Variants in PRKAG2 observed in about 807,000 individuals in gnomAD.
The protein encoded by PRKAG2 is protein kinase AMP-activated non-catalytic subunit gamma 2, also known as 5'-AMP-activated protein kinase subunit gamma-2.
PRKAG2 carries 26 observed loss-of-function variants against 69.6 expected under a neutral mutation model. That is an observed-to-expected ratio of 0.37 (90% confidence interval 0.27 to 0.52). The LOEUF (loss-of-function observed/expected upper bound fraction) is 0.52. Among genes scored for constraint, PRKAG2 ranks in the 20% least tolerant of loss-of-function variants. PRKAG2 has a pLI of 0.90. For missense variants in PRKAG2, 557 were observed against 740.0 expected, an observed-to-expected ratio of 0.75 and a Z score of 2.87; for synonymous variants, 293 against 285.0, an observed-to-expected ratio of 1.03 and a Z score of -0.28.
chr7:151,608,139 G>A (rs1374407206), intron 5 of PRKAG2, among the ~76,000 whole-genome samples: 1 of 152,188 alleles, frequency 6.6e-6, no homozygotes, highest in African/African-American at 2.4e-5. Flanking sequence ...AACAGCAGGA[G>A]CTGAGGGCAG....
chr7:151,744,956 AAT>A (rs1257160350), intron 3 of PRKAG2, among the ~76,000 whole-genome samples: 1 of 152,152 alleles, frequency 6.6e-6, no homozygotes, highest in Admixed American at 6.5e-5. Flanking sequence ...CAGTTCAAGA[AAT>A]AACATTTTTC....
At chr7:151,832,603 G>GGA (rs1554614864) in intron 1 of PRKAG2, among the ~76,000 whole-genome samples, 1 of 151,380 alleles carries the variant, frequency 6.6e-6, no homozygotes, top group African/African-American at 2.4e-5. Flanking sequence ...TCTGGGGGGG[G>GGA]GGTCCCAGCA....
At chr7:151,629,225 G>A (rs542828049) in intron 5 of PRKAG2, among the ~76,000 whole-genome samples, 13 of 152,164 alleles carry the variant, frequency 8.5e-5, no homozygotes, top group Non-Finnish European at 1.9e-4. Context: ...TTTACTATCT[G>A]ACCCTTTACA....
intron 2 of PRKAG2, among the ~76,000 whole-genome samples, chr7:151,785,799 G>A (rs1050839696): frequency 6.6e-6 from 1 of 151,966 alleles, no homozygotes; most frequent in Non-Finnish European, 1.5e-5. Context: ...GGACCTCTGC[G>A]CCCTGCCACG....
chr7:151,754,194 C>A (rs1357710595), intron 3 of PRKAG2, among the ~76,000 whole-genome samples: 1 of 152,204 alleles, frequency 6.6e-6, no homozygotes, highest in Admixed American at 6.5e-5. Context: ...TTGGCTTCTC[C>A]CAAATAATAA....
At chr7:151,634,996 C>A (rs1286474860) in intron 4 of PRKAG2, among the ~76,000 whole-genome samples, 1 of 146,982 alleles carries the variant, frequency 6.8e-6, no homozygotes, top group South Asian at 2.1e-4. Flanking sequence ...GTGGCCCAGG[C>A]TGGAGCGCAG....
At chr7:151,652,208 T>C (rs1216511967) in intron 4 of PRKAG2, among the ~76,000 whole-genome samples, 2 of 152,250 alleles carry the variant, frequency 1.3e-5, no homozygotes, top group African/African-American at 4.8e-5. Context: ...TCAAGAAGGC[T>C]ATCCACAATT....
chr7:151,747,677 G>A (rs2074378657), intron 3 of PRKAG2, among the ~76,000 whole-genome samples: 1 of 152,166 alleles, frequency 6.6e-6, no homozygotes, highest in Admixed American at 6.5e-5. Flanking sequence ...TAGAAAGTTA[G>A]CTCACGTGGC....
chr7:151,579,210 C>T (rs1209251462), intron 6 of PRKAG2, among the ~76,000 whole-genome samples: 1 of 152,070 alleles, frequency 6.6e-6, no homozygotes, highest in African/African-American at 2.4e-5. Context: ...CTTGTAGAGG[C>T]AGGATCTTGC....
chr7:151,667,955 A>G (rs1006788643), intron 4 of PRKAG2, among the ~76,000 whole-genome samples: 2 of 152,250 alleles, frequency 1.3e-5, no homozygotes, highest in African/African-American at 4.8e-5. Context: ...ATTGCTATGC[A>G]GCAATAGAAA....
At chr7:151,739,492 A>C (rs2151707506) in intron 3 of PRKAG2, among the ~76,000 whole-genome samples, 1 of 152,012 alleles carries the variant, frequency 6.6e-6, no homozygotes, top group African/African-American at 2.4e-5. Context: ...TTATTGAGAC[A>C]GAGTTTTGCT....
rs763637531 is a variant in PRKAG2 at position 151,814,593 on chromosome 7, A to T, written c.115-28052T>A. 1.1e-5 allele frequency: 14 copies of T among 1,231,770 alleles called. No individual in the cohort carries two copies. The highest frequency in any genetic ancestry group is 3.1e-4 in the Middle Eastern group (1 of 3,208). 76.3% of individuals were successfully genotyped at this position (1,231,770 alleles called of 1,614,324 possible). A position where few individuals can be genotyped will look rare whatever the true frequency, so the allele number is the denominator to read the frequency against. On this transcript the variant is annotated intron_variant, in intron 1 of 15. Transcript: ENST00000287878. This position sits in a 1 kb window ranked among gnomAD's most constrained non-coding sequence, Gnocchi z 4.8. ...GAAGGGGTTTCCCAGCCCCTTCAGC[A>T]CAGGCAATTTCTAGGGTTCGGCTGT...
At chr7:151,560,175 C>T (rs190290884) in intron 15 of PRKAG2, 45 of 985,292 alleles carry the variant, frequency 4.6e-5, no homozygotes, top group South Asian at 1.9e-4. Flanking sequence ...AAGCCAGTGA[C>T]GTTCCCTCTA....
chr7:151,855,031 G>GCC (rs1563756571), intron 1 of PRKAG2, among the ~76,000 whole-genome samples: 13 of 11,714 alleles, frequency 1.1e-3, no homozygotes, highest in South Asian at 7.4e-3. Context: ...CACACACCAT[G>GCC]CTCCACACAC....
At chr7:151,752,985 C>A (rs558539754) in intron 3 of PRKAG2, among the ~76,000 whole-genome samples, 1 of 152,234 alleles carries the variant, frequency 6.6e-6, no homozygotes, top group African/African-American at 2.4e-5. Flanking sequence ...ATCGGGTGAC[C>A]CTGCTGGGAT....
chr7:151,632,293 A>G lies in PRKAG2; in HGVS notation c.685-155T>C, dbSNP rs2151326923. On this transcript the variant is annotated intron_variant, in intron 4 of 15. Transcript: ENST00000287878. The surrounding 1 kb of genome is among the most constrained non-coding windows in gnomAD (Gnocchi z 4.2). ...CGCGGGCAGCGGGGGCCGGGGGCGG[A>G]GCGGGAGCGCTGCCCCCACCCGCCC... 1 of 946,448 alleles carries G rather than the reference A, an allele frequency of 1.1e-6. No homozygotes were observed. Among genetic ancestry groups the G allele is most frequent in the South Asian group, 4.8e-5 (1 of 20,676 alleles). 58.6% of individuals were successfully genotyped at this position (946,448 alleles called of 1,614,324 possible). A position where few individuals can be genotyped will look rare whatever the true frequency, so the allele number is the denominator to read the frequency against.
intron 1 of PRKAG2, among the ~76,000 whole-genome samples, chr7:151,847,193 A>G (rs531245441): frequency 6.6e-6 from 1 of 152,330 alleles, no homozygotes; most frequent in East Asian, 1.9e-4. Flanking sequence ...GTCTAGTGTT[A>G]TTCTGGGTAC....
intron 1 of PRKAG2, among the ~76,000 whole-genome samples, chr7:151,803,082 A>G (rs1191424510): frequency 1.3e-5 from 2 of 151,624 alleles, no homozygotes; most frequent in African/African-American, 4.9e-5. Flanking sequence ...CTCAGCCTCC[A>G]GAGTAGCTGG....
rs1035151380 is a variant in PRKAG2 at position 151,814,775 on chromosome 7, C to T, written c.115-28234G>A. On this transcript the variant is annotated intron_variant, in intron 1 of 15. Transcript: ENST00000287878. This position sits in a 1 kb window ranked among gnomAD's most constrained non-coding sequence, Gnocchi z 4.8. ...CTTGGTGGCTGGAGCTGCTTTGCTG[C>T]TCAAAATGCAGGCAGAGCTCGGGCA... 6 of 1,231,680 alleles carry T rather than the reference C, an allele frequency of 4.9e-6. No homozygotes were observed. Among genetic ancestry groups the T allele is most frequent in the Non-Finnish European group, 6.1e-6 (6 of 988,016 alleles). 76.3% of individuals were successfully genotyped at this position (1,231,680 alleles called of 1,614,324 possible).
Sources: allele counts gnomAD v4.1 joint callset (sites outside exome capture counted in the v4.1 genomes callset), GRCh38; gene constraint gnomAD v4.1.1; non-coding constraint Gnocchi (gnomAD v3.1); transcripts MANE v1.5; gene names NCBI Gene and HGNC (gene_info 2026-07-23, HGNC 2026-07-21).